Variants in PEX13 observed in about 807,000 individuals in gnomAD.
The protein encoded by PEX13 is peroxisomal biogenesis factor 13.
In PEX13, 28 loss-of-function variants were observed where a neutral mutation model predicts 34.5. That is an observed-to-expected ratio of 0.81 (90% CI 0.60 to 1.11). The LOEUF (loss-of-function observed/expected upper bound fraction) is 1.11, where lower values mean the gene tolerates loss of function less well. Ranked by LOEUF, PEX13 falls within the 50% of genes most tolerant of loss-of-function variation. The pLI, the probability that PEX13 is intolerant of heterozygous loss-of-function variation, is 0.00. For missense variants in PEX13, 550 were observed against 491.0 expected (o/e 1.12, Z -1.13); for synonymous variants, 177 against 175.1 (o/e 1.01, Z -0.09).
In PEX13 at chr2:61,031,944, G is replaced by C. The variant is rs1680458661; in HGVS notation, c.618G>C (p.Glu206Asp). The change falls in exon 2 of 4, where the codon GAG (glutamate) becomes GAC (aspartate). Residue 206 changes from glutamate (E) to aspartate (D), a missense_variant. Coordinates refer to ENST00000295030, the MANE Select transcript of PEX13 (RefSeq NM_002618.4). The stretch of plus-strand genomic sequence containing the variant: ...TGTTAGGTTTAAGAAGAGGCTCTGA[G>C]AATGAAGACCTCTGGGCAGAGAGTG... ...QRMLGLRRGS[E>D]NEDLWAESEG... is the part of the protein sequence containing the mutation. 1.9e-6 allele frequency: 3 copies of C among 1,614,200 alleles called. No individual in the cohort carries two copies. Among genetic ancestry groups the C allele is most frequent in the Non-Finnish European group, 2.5e-6 (3 of 1,180,016 alleles).
intron 3 of PEX13, 25 bp downstream of exon 3, chr2:61,045,876 A>G: frequency 6.3e-7 from 1 of 1,579,454 alleles, no homozygotes. Context: ...ATAAGTTGGA[A>G]TTATCTGTAA....
intron 3 of PEX13, among the ~76,000 whole-genome samples, chr2:61,048,269 G>C (rs1180448147): frequency 6.6e-6 from 1 of 152,108 alleles, no homozygotes; most frequent in Non-Finnish European, 1.5e-5. Context: ...GAAATATTTA[G>C]TAAGTATAAA....
At position 61,032,086 on chromosome 2, in the gene PEX13, T is replaced by A; in HGVS notation, c.760T>A (p.Leu254Met). Residue 254 changes from leucine (L) to methionine (M), a missense_variant, in exon 2 of 4, where the codon TTG becomes ATG. Physicochemically the swap from Leu to Met is conservative, Grantham distance 15. Coordinates refer to ENST00000295030, the MANE Select transcript of PEX13 (RefSeq NM_002618.4). ...LGGPYLIWKL[L>M]STHSDEVTDS... is the part of the protein sequence containing the mutation. ...TGGTCCTTACCTCATTTGGAAACTA[T>A]TGTCTACTCACAGTGATGAAGTAAC... is the stretch of plus-strand genomic sequence containing the variant. The A allele has an allele frequency of 6.2e-7, 1 of 1,613,518 alleles. No individual in the cohort carries two copies. The highest frequency in any genetic ancestry group is 1.7e-5 in the Admixed American group (1 of 59,982).
In PEX13 at chr2:61,048,517, G is replaced by A; in HGVS notation, c.959G>A (p.Gly320Asp). ...GGTTGGCTTCTGGCTAGCCTTGATG[G>A]CCAAACAACAGGACTTATACCTGCG... Reference protein sequence around the residue: ...VRGWLLASLDGQTTGLIPANY... With the variant: ...VRGWLLASLDDQTTGLIPANY... Residue 320 changes from glycine (G) to aspartate (D), a missense_variant, in exon 4 of 4, where the codon GGC becomes GAC. Transcript: ENST00000295030. The A allele has an allele frequency of 1.2e-6, 2 of 1,614,032 alleles. No individual in the cohort carries two copies. The highest frequency in any genetic ancestry group is 1.7e-6 in the Non-Finnish European group (2 of 1,179,992).
rs2104816696 is a variant in PEX13 at position 61,051,681 on chromosome 2, C to G, written c.*2911C>G. ...CTACTTTACAGAAATTACTAACACA[C>G]CAAAACATTATTAATTAAATAAAAT... On this transcript the variant is annotated 3_prime_UTR_variant, in exon 4 of 4. Transcript: ENST00000295030. 2 of 151,996 alleles carry G rather than the reference C, an allele frequency of 1.3e-5. No individual in the cohort carries two copies. Among genetic ancestry groups the G allele is most frequent in the Middle Eastern group, 6.9e-3 (2 of 290 alleles). 9.4% of individuals were successfully genotyped at this position (151,996 alleles called of 1,614,324 possible). A position where few individuals can be genotyped will look rare whatever the true frequency, so the allele number is the denominator to read the frequency against.
In PEX13 at chr2:61,018,188, G is replaced by C. The variant is rs139841551; in HGVS notation, c.92+337G>C. ...ATGGCTTCTCTATCTTTAAAGCGTA[G>C]ACTTTGGTCTGTAGCAGTTGAGAGC... On this transcript the variant is annotated intron_variant, in intron 1 of 3. Transcript: ENST00000295030. 7.4e-5 allele frequency: 114 copies of C among 1,550,900 alleles called. No individual in the cohort carries two copies. The African/African-American group carries it at 1.3e-3, about 18-fold the overall frequency.
rs201619544 is a variant in PEX13, at chr2:61,049,197, A to ATT, written c.*441_*442dup. Reference sequence around the variant, plus strand: ...CAGTATGAGAACAGGCAAAAGGTAAATTTTTTTTTTTTTTTACAACCTTAA... The same window carrying ATT: ...CAGTATGAGAACAGGCAAAAGGTAAATTTTTTTTTTTTTTTTTACAACCTTAA... On this transcript the variant is annotated 3_prime_UTR_variant, in exon 4 of 4. Transcript: ENST00000295030. 5 of 151,636 alleles carry ATT rather than the reference A, an allele frequency of 3.3e-5. No individual in the cohort carries two copies. Among genetic ancestry groups the ATT allele is most frequent in the East Asian group, 1.9e-4 (1 of 5,348 alleles). The allele number at this position is 151,636 out of a possible 1,614,324, so 9.4% of individuals were successfully genotyped here. A position where few individuals can be genotyped will look rare whatever the true frequency, so the allele number is the denominator to read the frequency against.
intron 2 of PEX13, among the ~76,000 whole-genome samples, chr2:61,036,046 A>G (rs1680529460): frequency 6.6e-6 from 1 of 152,130 alleles, no homozygotes; most frequent in Non-Finnish European, 1.5e-5. Flanking sequence ...TTGAAGATCA[A>G]ATTAATGAAA....
chr2:61,017,871 G>C lies in PEX13; in HGVS notation c.92+20G>C, dbSNP rs1303497941. On this transcript the variant is annotated intron_variant, in intron 1 of 3. Transcript: ENST00000295030. Reference sequence around the variant, plus strand: ...TTTCCAGTGAGTGTGGGATTCTTCAGGCTGTGAGTTTAGTGGGCCCGAGCG... The same window carrying C: ...TTTCCAGTGAGTGTGGGATTCTTCACGCTGTGAGTTTAGTGGGCCCGAGCG... 4.0e-5 allele frequency: 62 copies of C among 1,549,112 alleles called. No individual in the cohort carries two copies. The highest frequency in any genetic ancestry group is 5.9e-5 in the Admixed American group (3 of 50,976).
intron 1 of PEX13, among the ~76,000 whole-genome samples, chr2:61,028,573 G>T (rs1156817666): frequency 6.6e-6 from 1 of 151,858 alleles, no homozygotes; most frequent in Non-Finnish European, 1.5e-5. Context: ...TTTTAGTAGA[G>T]ACGGGGTTTC....
chr2:61,037,531 C>T (rs554018963), intron 2 of PEX13, among the ~76,000 whole-genome samples: 17 of 152,204 alleles, frequency 1.1e-4, no homozygotes, highest in Admixed American at 2.6e-4. Context: ...GGGTAAATAA[C>T]GAAATGAAGG....
chr2:61,033,660 G>A (rs1680488600), intron 2 of PEX13, among the ~76,000 whole-genome samples: 1 of 152,192 alleles, frequency 6.6e-6, no homozygotes, highest in Non-Finnish European at 1.5e-5. Flanking sequence ...AGTGTCAGGA[G>A]GAGGAACAGG....
chr2:61,021,700 C>T (rs1010462246), intron 1 of PEX13, among the ~76,000 whole-genome samples: 5 of 152,194 alleles, frequency 3.3e-5, no homozygotes, highest in East Asian at 1.9e-4. Context: ...GCTCTGAGAA[C>T]GGACAGACGG....
intron 2 of PEX13, among the ~76,000 whole-genome samples, chr2:61,036,567 G>A (rs540743394): frequency 6.6e-6 from 1 of 152,250 alleles, no homozygotes; most frequent in Non-Finnish European, 1.5e-5. Context: ...TTACAGACAA[G>A]CAAATGCTGA....
chr2:61,034,423 C>T (rs1680501745), intron 2 of PEX13, among the ~76,000 whole-genome samples: 1 of 152,266 alleles, frequency 6.6e-6, no homozygotes, highest in South Asian at 2.1e-4. Flanking sequence ...GCATCTCCAA[C>T]TGAGGTACCT....
intron 1 of PEX13, among the ~76,000 whole-genome samples, chr2:61,029,421 A>C (rs944029758): frequency 6.6e-6 from 1 of 152,178 alleles, no homozygotes; most frequent in African/African-American, 2.4e-5. Context: ...TTTGGAACAC[A>C]ATCTGGCAGT....
At chr2:61,039,728 C>T (rs957911316) in intron 2 of PEX13, among the ~76,000 whole-genome samples, 3 of 152,036 alleles carry the variant, frequency 2.0e-5, no homozygotes, top group Non-Finnish European at 2.9e-5. Flanking sequence ...CAACAAAAGC[C>T]GGAATAGACA....
chr2:61,040,780 T>C (rs1386834871), intron 2 of PEX13, among the ~76,000 whole-genome samples: 1 of 148,064 alleles, frequency 6.8e-6, no homozygotes, highest in Non-Finnish European at 1.5e-5. Flanking sequence ...TATATACCTA[T>C]ATATTAAAGT....
At chr2:61,027,309 A>G (rs905023621) in intron 1 of PEX13, among the ~76,000 whole-genome samples, 1 of 149,982 alleles carries the variant, frequency 6.7e-6, no homozygotes, top group Non-Finnish European at 1.5e-5. Context: ...ACTGAACTCC[A>G]GCTTGGGTGA....
Sources: allele counts gnomAD v4.1 joint callset (sites outside exome capture counted in the v4.1 genomes callset), GRCh38; gene constraint gnomAD v4.1.1; transcripts MANE v1.5; gene names NCBI Gene and HGNC (gene_info 2026-07-23, HGNC 2026-07-21).